The following REL variants were observed in gnomAD, a reference collection of about 807,000 sequenced individuals.
REL encodes the protein REL proto-oncogene, NF-kB subunit, also known as proto-oncogene c-Rel.
A neutral mutation model predicts 45.9 loss-of-function variants in REL; 15 were observed. That is an observed-to-expected ratio of 0.33 (90% CI 0.22 to 0.50). The LOEUF is 0.50. Among genes scored for constraint, REL ranks in the 20% least tolerant of loss-of-function variants. The pLI is 0.98. For missense variants in REL, 601 were observed against 715.2 expected, an observed-to-expected ratio of 0.84 and a Z score of 1.82; for synonymous variants, 239 against 242.1, an observed-to-expected ratio of 0.99 and a Z score of 0.12.
chr2:60,916,021 A>G (rs184611247), intron 4 of REL, among the ~76,000 whole-genome samples: 1 of 152,306 alleles, frequency 6.6e-6, no homozygotes, highest in East Asian at 1.9e-4. Context: ...TTTCTAATAG[A>G]TTTCAATTTT....
chr2:60,913,818 T>A (rs1460619690), intron 4 of REL, among the ~76,000 whole-genome samples: 2 of 152,208 alleles, frequency 1.3e-5, no homozygotes, highest in Admixed American at 6.5e-5. Context: ...TTTATTCTCA[T>A]GGTTGAATTG....
intron 4 of REL, among the ~76,000 whole-genome samples, chr2:60,906,008 A>G (rs774496539): frequency 6.6e-6 from 1 of 152,220 alleles, no homozygotes; most frequent in Non-Finnish European, 1.5e-5. Flanking sequence ...ACAGTTCCAC[A>G]TGGCTGGGGA....
intron 4 of REL, among the ~76,000 whole-genome samples, chr2:60,903,097 A>T (rs571207635): frequency 6.6e-6 from 1 of 152,316 alleles, no homozygotes; most frequent in East Asian, 1.9e-4. Context: ...GTAAGTCTAG[A>T]TGCAATATAA....
At chr2:60,918,664 ATCT>A (rs1362552169) in intron 7 of REL, 58 bp downstream of exon 7, 8 of 1,127,276 alleles carry the variant, frequency 7.1e-6, no homozygotes, top group Admixed American at 5.2e-5. Flanking sequence ...TGCTAATAAC[ATCT>A]TCTTGTAATA....
At chr2:60,905,479 T>C (rs1196491548) in intron 4 of REL, among the ~76,000 whole-genome samples, 2 of 152,222 alleles carry the variant, frequency 1.3e-5, no homozygotes, top group African/African-American at 4.8e-5. Flanking sequence ...CTGTTAAAAA[T>C]GTAGATTTCA....
At chr2:60,916,661 C>G (rs1673969272) in intron 4 of REL, among the ~76,000 whole-genome samples, 1 of 152,134 alleles carries the variant, frequency 6.6e-6, no homozygotes, top group African/African-American at 2.4e-5. Context: ...ATAGTTACTT[C>G]CTGAACATGG....
In REL at chr2:60,925,993, G is replaced by T. The variant is rs1295190533; in HGVS notation, c.*3458G>T. 5 of 226,548 alleles carry T rather than the reference G, an allele frequency of 2.2e-5. No individual in the cohort carries two copies. The highest frequency in any genetic ancestry group is 4.4e-5 in the Non-Finnish European group (5 of 113,614). The allele number at this position is 226,548 out of a possible 1,614,324, so 14.0% of individuals were successfully genotyped here. On this transcript the variant is annotated 3_prime_UTR_variant, in exon 10 of 10. Transcript: ENST00000394479. ...TTTCATTTTTCAGGTGCTATTTTTT[G>T]ACCCTGTATAGACTTTAATTTAAAA...
intron 4 of REL, 65 bp downstream of exon 4, chr2:60,901,148 CTCTTT>C (rs1330605321): frequency 1.7e-4 from 145 of 850,102 alleles, no homozygotes; most frequent in Non-Finnish European, 2.1e-4. Context: ...TTTTTTCTTT[CTCTTT>C]TTTTTTTTTT....
intron 4 of REL, among the ~76,000 whole-genome samples, chr2:60,907,013 A>G (rs1673680486): frequency 6.7e-6 from 1 of 148,520 alleles, no homozygotes; most frequent in Non-Finnish European, 1.5e-5. Flanking sequence ...TCCACCTCCC[A>G]GGTTCAAGCA....
At chr2:60,896,375 T>G (rs1020538001) in intron 3 of REL, among the ~76,000 whole-genome samples, 2 of 152,210 alleles carry the variant, frequency 1.3e-5, no homozygotes, top group African/African-American at 4.8e-5. Flanking sequence ...AATTTATACA[T>G]ATACATGATG....
rs1461729896 is a variant in REL, at chr2:60,931,038, C to T, written c.*8503C>T. 1.3e-5 allele frequency: 2 copies of T among 152,308 alleles called. No individual in the cohort carries two copies. Among genetic ancestry groups the T allele is most frequent in the Non-Finnish European group, 2.9e-5 (2 of 68,018 alleles). The allele number at this position is 152,308 out of a possible 1,614,324, so 9.4% of individuals were successfully genotyped here. ...TTCCTCTTAAACTTTATTATCTAAT[C>T]AAACATAGTTTTCCATAAGATGTAA... is the stretch of plus-strand genomic sequence containing the variant. On this transcript the variant is annotated 3_prime_UTR_variant, in exon 10 of 10. Coordinates refer to ENST00000394479, the MANE Select transcript of REL (RefSeq NM_001291746.2).
rs534785279 is a variant in REL, at chr2:60,924,640, A to C, written c.*2105A>C. ...AAAGAGATTTTATTGAAGGTAAAAC[A>C]TTAGAGGTTCATTGAGAATCTCTAA... On this transcript the variant is annotated 3_prime_UTR_variant, in exon 10 of 10. Transcript: ENST00000394479. 1 of 213,732 alleles carries C rather than the reference A, an allele frequency of 4.7e-6. No individual in the cohort carries two copies. Among genetic ancestry groups the C allele is most frequent in the Non-Finnish European group, 9.5e-6 (1 of 105,702 alleles). The allele number at this position is 213,732 out of a possible 1,614,324, so 13.2% of individuals were successfully genotyped here. A position where few individuals can be genotyped will look rare whatever the true frequency, so the allele number is the denominator to read the frequency against.
rs539558195 is a variant in REL, at chr2:60,929,199, A to G, written c.*6664A>G. On this transcript the variant is annotated 3_prime_UTR_variant, in exon 10 of 10. Coordinates refer to ENST00000394479, the MANE Select transcript of REL (RefSeq NM_001291746.2). ...GGTGCTGGAGAGGATGTGGAGAAAT[A>G]GGAACACTTTTACACTGTTGGTGGG... is the stretch of plus-strand genomic sequence containing the variant. The G allele has an allele frequency of 1.3e-5, 2 of 150,696 alleles. No homozygotes were observed. Among genetic ancestry groups the G allele is most frequent in the South Asian group, 4.2e-4 (2 of 4,792 alleles). 9.3% of individuals were successfully genotyped at this position (150,696 alleles called of 1,614,324 possible).
intron 3 of REL, chr2:60,900,009 C>G (rs1022276539): frequency 2.1e-4 from 32 of 152,134 alleles, no homozygotes; most frequent in African/African-American, 7.7e-4. Context: ...AAAAGCAAAT[C>G]TCTGTGGAGC....
intron 5 of REL, 28 bp from the exon 6 acceptor site, chr2:60,918,163 C>T (rs544203799): frequency 3.8e-6 from 5 of 1,324,612 alleles, no homozygotes; most frequent in East Asian, 4.6e-5. Context: ...GGTAGCAACT[C>T]ATTTTTTTGA....
intron 4 of REL, among the ~76,000 whole-genome samples, chr2:60,908,934 A>G (rs1480975430): frequency 1.3e-5 from 2 of 152,220 alleles, no homozygotes; most frequent in Non-Finnish European, 2.9e-5. Flanking sequence ...GTCTGGTCTA[A>G]TACAAGAAAA....
At position 60,889,009 on chromosome 2, in the gene REL, A is replaced by G. The variant is rs551696622; in HGVS notation, c.11-2674A>G. 7.3e-4 allele frequency among the ~76,000 whole-genome samples: 111 copies of G among 152,346 alleles called. 1 individual carries two copies. Among genetic ancestry groups the G allele is most frequent in the African/African-American group, 2.5e-3 (104 of 41,592 alleles). On this transcript the variant is annotated intron_variant, in intron 1 of 9. Coordinates refer to ENST00000394479, the MANE Select transcript of REL (RefSeq NM_001291746.2). ...GACTAAAACTTTTACTCTAAAATGCAAATCTGATCATGTGATTTGCCTGCA... is the reference window on the plus strand; with the variant it reads ...GACTAAAACTTTTACTCTAAAATGCGAATCTGATCATGTGATTTGCCTGCA...
Position 60,906,948 on chromosome 2 carries a change from T to C in REL, c.394+5865T>C, listed in dbSNP as rs558521912. 6.7e-5 allele frequency among the ~76,000 whole-genome samples: 10 copies of C among 148,944 alleles called. 1 individual carries two copies. In the East Asian group the frequency reaches 2.0e-3, roughly 29 times the overall value. ...TTTTTTTCTTTTCCGAGACAGAGTT[T>C]CGCTCTTGTTGCCCAGGCTGGAGTG... is the stretch of plus-strand genomic sequence containing the variant. On this transcript the variant is annotated intron_variant, in intron 4 of 9. Transcript: ENST00000394479.
At chr2:60,889,252 T>A (rs1049586493) in intron 1 of REL, among the ~76,000 whole-genome samples, 3 of 152,188 alleles carry the variant, frequency 2.0e-5, no homozygotes, top group Admixed American at 1.3e-4. Context: ...AACCGCTCTT[T>A]TTCCACTGAC....
Sources: allele counts gnomAD v4.1 joint callset (sites outside exome capture counted in the v4.1 genomes callset), GRCh38; gene constraint gnomAD v4.1.1; transcripts MANE v1.5; gene names NCBI Gene and HGNC (gene_info 2026-07-23, HGNC 2026-07-21).